Variants in AAK1 observed in about 807,000 individuals in gnomAD.
AAK1 encodes the protein AP2 associated kinase 1.
A neutral mutation model predicts 116.0 loss-of-function variants in AAK1; 37 were observed. That is an observed-to-expected ratio of 0.32 (90% CI 0.25 to 0.42). The LOEUF (loss-of-function observed/expected upper bound fraction) is 0.42, where lower values mean the gene tolerates loss of function less well. Ranked by LOEUF, AAK1 falls within the 10% of genes least tolerant of loss-of-function variation. The pLI, the probability that AAK1 is intolerant of heterozygous loss-of-function variation, is 1.00. For synonymous variants in AAK1, 458 were observed against 439.9 expected (o/e 1.04, Z -0.51); for missense variants, 919 against 1,170.6 (o/e 0.79, Z 3.14).
At chr2:69,513,509 G>C (rs1025604030) in intron 13 of AAK1, among the ~76,000 whole-genome samples, 2 of 152,094 alleles carry the variant, frequency 1.3e-5, no homozygotes, top group Non-Finnish European at 2.9e-5. Flanking sequence ...ATTTTTAGTA[G>C]AGACGTGGTT....
chr2:69,578,460 C>G (rs896097377), intron 2 of AAK1, among the ~76,000 whole-genome samples: 5 of 152,204 alleles, frequency 3.3e-5, no homozygotes, highest in African/African-American at 1.2e-4. Context: ...TCCCACTGAT[C>G]TATACAGCAC....
intron 12 of AAK1, among the ~76,000 whole-genome samples, chr2:69,518,389 A>G (rs563878520): frequency 1.5e-3 from 228 of 151,868 alleles, no homozygotes; most frequent in Non-Finnish European, 2.7e-3. Flanking sequence ...GAAGAAAAAA[A>G]AGCAGTCCTT....
chr2:69,621,380 G>A (rs1037689327), intron 2 of AAK1, among the ~76,000 whole-genome samples: 14 of 152,068 alleles, frequency 9.2e-5, no homozygotes, highest in African/African-American at 2.9e-4. Flanking sequence ...TCGGGAGGCC[G>A]AGGCAGAAGA....
In AAK1 at chr2:69,465,694, G is replaced by C; in HGVS notation, c.*10175C>G. 1 of 1,290,922 alleles carries C rather than the reference G, an allele frequency of 7.7e-7. No individual in the cohort carries two copies. Among genetic ancestry groups the C allele is most frequent in the Non-Finnish European group, 1.0e-6 (1 of 988,876 alleles). The allele number at this position is 1,290,922 out of a possible 1,614,324, so 80.0% of individuals were successfully genotyped here. ...GGGCCTGAGACAGCTTCTTTCTGGA[G>C]CTGAGGTCCTTTGTTTCTGTCATTA... On this transcript the variant is annotated 3_prime_UTR_variant, in exon 22 of 22. Transcript: ENST00000409085.
chr2:69,500,530 C>A (rs190599536), intron 16 of AAK1, among the ~76,000 whole-genome samples: 1 of 151,796 alleles, frequency 6.6e-6, no homozygotes, highest in East Asian at 1.9e-4. Flanking sequence ...GTGAGGATCA[C>A]CTGAGATAAT....
chr2:69,591,707 A>G (rs1673042558), intron 2 of AAK1, among the ~76,000 whole-genome samples: 2 of 151,586 alleles, frequency 1.3e-5, no homozygotes, highest in Admixed American at 1.3e-4. Context: ...AGTAGCTGGG[A>G]TTACAGGTGC....
At chr2:69,508,561 T>C (rs997945289) in intron 14 of AAK1, among the ~76,000 whole-genome samples, 1 of 152,228 alleles carries the variant, frequency 6.6e-6, no homozygotes, top group African/African-American at 2.4e-5. Flanking sequence ...ATGGTCATTG[T>C]CTTGGAGAAC....
rs1424736863 is a variant in AAK1, at chr2:69,531,670, T to G, written c.656+371A>C. 6.0e-6 allele frequency: 6 copies of G among 1,002,878 alleles called. No homozygotes were observed. The Admixed American group carries it at 3.3e-4, about 55-fold the overall frequency. 62.1% of individuals were successfully genotyped at this position (1,002,878 alleles called of 1,614,324 possible). ...AATTTAGGGTTCAGTAAAAAGCACA[T>G]CTGTTTGACTGATAATGTCATGGTT... is the stretch of plus-strand genomic sequence containing the variant. On this transcript the variant is annotated intron_variant, in intron 6 of 21. Coordinates refer to ENST00000409085, the MANE Select transcript of AAK1 (RefSeq NM_014911.5).
In AAK1 at chr2:69,548,047, A is replaced by C. The variant is rs544820101; in HGVS notation, c.283-3503T>G. Among the ~76,000 whole-genome samples the C allele has an allele frequency of 6.6e-5, 10 of 152,312 alleles. 1 individual carries two copies. The South Asian group carries it at 1.9e-3, about 28-fold the overall frequency. On this transcript the variant is annotated intron_variant, in intron 3 of 21. Transcript: ENST00000409085. ...TCAATTTATATGAAATATCTAGAAT[A>C]TGCAGTAAAAACATGAGTGGTTATC...
intron 2 of AAK1, among the ~76,000 whole-genome samples, chr2:69,614,436 G>C (rs1354459340): frequency 6.6e-6 from 1 of 152,124 alleles, no homozygotes; most frequent in Non-Finnish European, 1.5e-5. Context: ...CCGTGGAGCT[G>C]GCATTTCAAG....
chr2:69,613,495 C>T (rs913789816), intron 2 of AAK1, among the ~76,000 whole-genome samples: 1 of 152,080 alleles, frequency 6.6e-6, no homozygotes, highest in Non-Finnish European at 1.5e-5. Flanking sequence ...GGCTGGTTGG[C>T]AGGGAACTCA....
chr2:69,475,351 T>G lies in AAK1; in HGVS notation c.*518A>C. 4 of 986,922 alleles carry G rather than the reference T, an allele frequency of 4.1e-6. No individual in the cohort carries two copies. Among genetic ancestry groups the G allele is most frequent in the Non-Finnish European group, 4.8e-6 (4 of 830,848 alleles). The allele number at this position is 986,922 out of a possible 1,614,324, so 61.1% of individuals were successfully genotyped here. A position where few individuals can be genotyped will look rare whatever the true frequency, so the allele number is the denominator to read the frequency against. On this transcript the variant is annotated 3_prime_UTR_variant, in exon 22 of 22. Coordinates refer to ENST00000409085, the MANE Select transcript of AAK1 (RefSeq NM_014911.5). ...TACCCTTTCTTAAACCACACACCCA[T>G]CTCCAGGCTACTGCCTAGAGTTAAG...
rs1671274569 is a variant in AAK1 at position 69,553,649 on chromosome 2, G to A, written c.282+3211C>T. On this transcript the variant is annotated intron_variant, in intron 3 of 21. Coordinates refer to ENST00000409085, the MANE Select transcript of AAK1 (RefSeq NM_014911.5). Reference sequence around the variant, plus strand: ...AGTAGACAAGGGTTTCCACCATGTTGGCCAGGATGGTCTCCATCTCCTGAC... The same window carrying A: ...AGTAGACAAGGGTTTCCACCATGTTAGCCAGGATGGTCTCCATCTCCTGAC... 4.0e-5 allele frequency among the ~76,000 whole-genome samples: 6 copies of A among 151,746 alleles called. No homozygotes were observed. The South Asian group carries it at 1.2e-3, about 32-fold the overall frequency.
intron 3 of AAK1, among the ~76,000 whole-genome samples, chr2:69,556,120 C>A (rs1671375911): frequency 6.6e-6 from 1 of 152,156 alleles, no homozygotes; most frequent in Non-Finnish European, 1.5e-5. Context: ...ATTAACATAA[C>A]AAAATGTGCA....
At chr2:69,513,451 C>T (rs1352178289) in intron 13 of AAK1, among the ~76,000 whole-genome samples, 1 of 152,114 alleles carries the variant, frequency 6.6e-6, no homozygotes, top group Non-Finnish European at 1.5e-5. Flanking sequence ...TCCCGAGTAG[C>T]TGGGACTATA....
Position 69,468,743 on chromosome 2 carries a change from TA to T in AAK1, c.*7125del. On this transcript the variant is annotated 3_prime_UTR_variant, in exon 22 of 22. Transcript: ENST00000409085. ...GGGGCACTTTGGATGCCTGAAGTGC[TA>T]GATTACATTTTGAGAACTAGGAAGT... is the stretch of plus-strand genomic sequence containing the variant. 1 of 985,448 alleles carries T rather than the reference TA, an allele frequency of 1.0e-6. No homozygotes were observed. The highest frequency in any genetic ancestry group is 1.2e-6 in the Non-Finnish European group (1 of 829,932). 61.0% of individuals were successfully genotyped at this position (985,448 alleles called of 1,614,324 possible). A position where few individuals can be genotyped will look rare whatever the true frequency, so the allele number is the denominator to read the frequency against.
At position 69,583,338 on chromosome 2, in the gene AAK1, T is replaced by C. The variant is rs1672624599; in HGVS notation, c.164-26360A>G. On this transcript the variant is annotated intron_variant, in intron 2 of 21. Transcript: ENST00000409085. ...CTGGAGTGTGGTGGTGAGCAGAGGATGGAAGTAAATTAAAAGAAGCTCCCT... is the reference window on the plus strand; with the variant it reads ...CTGGAGTGTGGTGGTGAGCAGAGGACGGAAGTAAATTAAAAGAAGCTCCCT... 2.0e-5 allele frequency among the ~76,000 whole-genome samples: 3 copies of C among 152,208 alleles called. 1 individual carries two copies. In the South Asian group the frequency reaches 6.2e-4, roughly 32 times the overall value.
rs1253677792 is a variant in AAK1 at position 69,527,223 on chromosome 2, T to C, written c.968A>G (p.Asn323Ser). The change falls in exon 9 of 22, where the codon AAT becomes AGT. Residue 323 changes from asparagine (N) to serine (S), a missense_variant. Physicochemically the swap from Asn to Ser is conservative, Grantham distance 46. Coordinates refer to ENST00000409085, the MANE Select transcript of AAK1 (RefSeq NM_014911.5). ...ATAGCACCATTCACGTACCTGTACA[T>C]TTGGAATTGGGCACTCTTTCTTGAG... Reference protein sequence around the residue: ...KLLKKECPIPNVQNSPIPAKL... With the variant: ...KLLKKECPIPSVQNSPIPAKL... 6.3e-7 allele frequency: 1 copy of C among 1,599,290 alleles called. No individual in the cohort carries two copies. Among genetic ancestry groups the C allele is most frequent in the South Asian group, 1.1e-5 (1 of 88,954 alleles).
Position 69,605,935 on chromosome 2 carries a change from T to C in AAK1, c.163+36943A>G, listed in dbSNP as rs145418336. On this transcript the variant is annotated intron_variant, in intron 2 of 21. Coordinates refer to ENST00000409085, the MANE Select transcript of AAK1 (RefSeq NM_014911.5). The stretch of plus-strand genomic sequence containing the variant: ...GACCTCATCTGTGGCATTCAAGGCC[T>C]TCAGGATGTGATCCAGAGCTACTGT... 2.2e-3 allele frequency among the ~76,000 whole-genome samples: 331 copies of C among 152,240 alleles called. 2 individuals carry two copies. In the Middle Eastern group the frequency reaches 0.037, roughly 17 times the overall value.
Sources: gnomAD v4.1 joint callset for allele counts (sites outside exome capture counted in the v4.1 genomes callset) on GRCh38, gnomAD v4.1.1 for gene constraint, MANE v1.5 for transcripts, NCBI Gene and HGNC (gene_info 2026-07-23, HGNC 2026-07-21) for gene names.